KCNMA1: variants seen among roughly 807,000 people sequenced by gnomAD.
The protein encoded by KCNMA1 is Calcium-activated potassium channel subunit alpha-1.
A neutral mutation model predicts 140.0 loss-of-function variants in KCNMA1; 29 were observed. That is an observed-to-expected ratio of 0.21 (90% CI 0.15 to 0.28). The LOEUF (loss-of-function observed/expected upper bound fraction) is 0.28. Among genes scored for constraint, KCNMA1 ranks in the 10% least tolerant of loss-of-function variants. KCNMA1 has a pLI of 1.00. For missense variants in KCNMA1, 880 were observed against 1,602.2 expected (o/e 0.55, Z 7.70); for synonymous variants, 612 against 611.9 (o/e 1.00, Z 0.00).
At chr10:77,600,768 T>C (rs962802962) in intron 1 of KCNMA1, among the ~76,000 whole-genome samples, 10 of 133,400 alleles carry the variant, frequency 7.5e-5, no homozygotes, top group Non-Finnish European at 1.3e-4. Context: ...CACACACACA[T>C]GCACACACAC....
intron 1 of KCNMA1, among the ~76,000 whole-genome samples, chr10:77,519,316 C>T (rs543499421): frequency 6.6e-6 from 1 of 152,370 alleles, no homozygotes; most frequent in East Asian, 1.9e-4. Flanking sequence ...GTGATATCCA[C>T]ACACCATCTC....
At chr10:77,202,571 G>A (rs1172856052) in intron 3 of KCNMA1, among the ~76,000 whole-genome samples, 7 of 152,116 alleles carry the variant, frequency 4.6e-5, no homozygotes, top group African/African-American at 1.7e-4. Context: ...ACCACACTGA[G>A]GAGCCAACAA....
intron 23 of KCNMA1, among the ~76,000 whole-genome samples, chr10:76,923,276 A>G (rs1407283522): frequency 6.6e-6 from 1 of 152,160 alleles, no homozygotes; most frequent in African/African-American, 2.4e-5. Flanking sequence ...CCAAGCAGAC[A>G]GTCTCTTTCC....
intron 5 of KCNMA1, among the ~76,000 whole-genome samples, chr10:77,168,089 T>A (rs2098663779): frequency 1.3e-5 from 2 of 152,174 alleles, no homozygotes; most frequent in South Asian, 4.1e-4. Context: ...CTTTTAAACA[T>A]TTCTGTCTCT....
intron 3 of KCNMA1, 91 bp from the exon 4 acceptor site, chr10:77,185,007 T>C (rs567167635): frequency 2.5e-6 from 2 of 814,150 alleles, no homozygotes; most frequent in African/African-American, 3.3e-5. Flanking sequence ...GTGCTTAGGG[T>C]AGACGATGAA....
chr10:77,532,641 AGTTAGGATTTTCTAGGTTT>A (rs778504341), intron 1 of KCNMA1, among the ~76,000 whole-genome samples: 11 of 152,216 alleles, frequency 7.2e-5, no homozygotes, highest in African/African-American at 9.7e-5. Context: ...TTTAAAGCAA[AGTTAGGATTTTCTAGGTTT>A]GTTTCCATGG....
chr10:77,356,411 T>A (rs568843028), intron 2 of KCNMA1, among the ~76,000 whole-genome samples: 7 of 152,320 alleles, frequency 4.6e-5, no homozygotes, highest in African/African-American at 1.7e-4. Context: ...AGCCAAAAAT[T>A]AAGCCTGGAG....
At chr10:77,272,584 G>T (rs1282782982) in intron 2 of KCNMA1, among the ~76,000 whole-genome samples, 8 of 151,460 alleles carry the variant, frequency 5.3e-5, no homozygotes. Flanking sequence ...TAATTTTCTT[G>T]GTCACACATA....
intron 19 of KCNMA1, among the ~76,000 whole-genome samples, chr10:76,972,510 C>T (rs997750250): frequency 6.6e-6 from 1 of 152,208 alleles, no homozygotes; most frequent in African/African-American, 2.4e-5. Context: ...CTTGTTGCTA[C>T]ACTGATCTTC....
At chr10:77,076,629 C>T (rs1479277694) in intron 13 of KCNMA1, among the ~76,000 whole-genome samples, 1 of 152,184 alleles carries the variant, frequency 6.6e-6, no homozygotes, top group Non-Finnish European at 1.5e-5. Context: ...GCTGTCTATA[C>T]AGAGCTTAGA....
intron 14 of KCNMA1, among the ~76,000 whole-genome samples, chr10:77,070,394 G>A (rs1314246317): frequency 6.6e-6 from 1 of 152,072 alleles, no homozygotes; most frequent in Non-Finnish European, 1.5e-5. Context: ...TTACAGTCTT[G>A]TTTCTCTTAT....
intron 3 of KCNMA1, among the ~76,000 whole-genome samples, chr10:77,245,913 A>G (rs1167111923): frequency 1.3e-5 from 2 of 152,166 alleles, no homozygotes; most frequent in Non-Finnish European, 2.9e-5. Flanking sequence ...TGGTCTCATC[A>G]AGCCATTATT....
At chr10:77,153,287 A>G (rs1245975605) in intron 5 of KCNMA1, among the ~76,000 whole-genome samples, 1 of 152,194 alleles carries the variant, frequency 6.6e-6, no homozygotes, top group Non-Finnish European at 1.5e-5. Context: ...AGCATTCCAT[A>G]ATTTCCAGCT....
intron 1 of KCNMA1, among the ~76,000 whole-genome samples, chr10:77,418,609 T>C (rs1049096618): frequency 1.3e-5 from 2 of 152,134 alleles, no homozygotes; most frequent in African/African-American, 2.4e-5. Context: ...GTGAGGAGGA[T>C]ACCCTTGACA....
At chr10:77,600,453 AAC>A (rs1419113830) in intron 1 of KCNMA1, among the ~76,000 whole-genome samples, 1 of 152,132 alleles carries the variant, frequency 6.6e-6, no homozygotes, top group South Asian at 2.1e-4. Context: ...GTTGCTACAA[AAC>A]ACACACACAG....
intron 15 of KCNMA1, among the ~76,000 whole-genome samples, chr10:77,030,716 G>C (rs935070437): frequency 1.3e-5 from 2 of 152,164 alleles, no homozygotes; most frequent in Non-Finnish European, 2.9e-5. Context: ...TCCTCTACAA[G>C]AAAGTCCTAA....
chr10:76,994,384 C>T (rs2083605007), intron 19 of KCNMA1, among the ~76,000 whole-genome samples: 1 of 152,184 alleles, frequency 6.6e-6, no homozygotes, highest in African/African-American at 2.4e-5. Context: ...ATACACACAT[C>T]CTCCCTGTGT....
intron 2 of KCNMA1, chr10:77,309,534 T>C (rs2078707915): frequency 6.6e-6 from 1 of 152,248 alleles, no homozygotes; most frequent in African/African-American, 2.4e-5. Context: ...ACCTCAACCC[T>C]GGTTAGTGCT....
At chr10:77,037,717 C>A (rs1405318819) in intron 15 of KCNMA1, among the ~76,000 whole-genome samples, 2 of 152,188 alleles carry the variant, frequency 1.3e-5, no homozygotes, top group Non-Finnish European at 2.9e-5. Flanking sequence ...CTCCCGCAGG[C>A]GCTGGCAGCT....
Sources: allele counts gnomAD v4.1 joint callset (sites outside exome capture counted in the v4.1 genomes callset), GRCh38; gene constraint gnomAD v4.1.1; transcripts MANE v1.5; gene names NCBI Gene and HGNC (gene_info 2026-07-23, HGNC 2026-07-21).